Variants in NCL observed in about 807,000 individuals in gnomAD.
NCL encodes the protein nucleolin multifunctional protein.
In NCL, 4 loss-of-function variants were observed where a neutral mutation model predicts 77.7. That is an observed-to-expected ratio of 0.05 (90% CI 0.03 to 0.12). NCL has a LOEUF of 0.12. Ranked by LOEUF, NCL falls within the 10% of genes least tolerant of loss-of-function variation. The pLI is 1.00. For synonymous variants in NCL, 344 were observed against 297.8 expected (o/e 1.16, Z -1.60); for missense variants, 763 against 860.9 (o/e 0.89, Z 1.42).
chr2:231,463,965 G>A (rs1300363140), intron 1 of NCL: 2 of 353,656 alleles, frequency 5.7e-6, no homozygotes, highest in African/African-American at 4.3e-5. Flanking sequence ...GGAGATTCCA[G>A]GACCCACGCG....
chr2:231,456,235 A>T (rs2125633335), intron 11 of NCL, 99 bp from the exon 12 acceptor site: 1 of 1,483,822 alleles, frequency 6.7e-7, no homozygotes, highest in East Asian at 2.3e-5. Flanking sequence ...AATACTTGTT[A>T]TAGTGAAAAA....
At position 231,458,696 on chromosome 2, in the gene NCL, G is replaced by A. The variant is rs956874880; in HGVS notation, c.1165+305C>T. On this transcript the variant is annotated intron_variant, in intron 7 of 13. Coordinates refer to ENST00000322723, the MANE Select transcript of NCL (RefSeq NM_005381.3). ...TACAACTGTATATAGGGAGTAATTA[G>A]GGACCTAATCTAGTTTCAGTGAAGA... 6 of 422,368 alleles carry A rather than the reference G, an allele frequency of 1.4e-5. No individual in the cohort carries two copies. The East Asian group carries it at 2.2e-4, about 15-fold the overall frequency. 26.2% of individuals were successfully genotyped at this position (422,368 alleles called of 1,614,324 possible).
At chr2:231,457,344 T>A (rs1277288022) in intron 9 of NCL, 1 of 780,576 alleles carries the variant, frequency 1.3e-6, no homozygotes, top group East Asian at 2.7e-5. Context: ...ACTGGTCTGT[T>A]TTCCTAGAAT....
rs150234462 is a variant in NCL at position 231,456,145 on chromosome 2, G to GA, written c.1706-10dup. 0.27 allele frequency: 433,682 copies of GA among 1,582,116 alleles called. 55,823 individuals are homozygous for GA. Among genetic ancestry groups the GA allele is most frequent in the African/African-American group, 0.35 (25,975 of 73,238 alleles). Reference sequence around the variant, plus strand: ...CAGAGTTTTGGATGGCTCTGGGAAGGAAAAAAAAATGTGACTTTATGTGAA... The same window carrying GA: ...CAGAGTTTTGGATGGCTCTGGGAAGGAAAAAAAAAATGTGACTTTATGTGAA... On this transcript the variant is annotated splice_polypyrimidine_tract_variant and intron_variant, in intron 11 of 13. Coordinates refer to ENST00000322723, the MANE Select transcript of NCL (RefSeq NM_005381.3).
At chr2:231,460,388 A>G in intron 5 of NCL, 90 bp downstream of exon 5, 1 of 1,592,020 alleles carries the variant, frequency 6.3e-7, no homozygotes, top group South Asian at 1.1e-5. Context: ...AGCACACTAC[A>G]ATGTAACATC....
chr2:231,462,090 A>T (rs2595514), intron 2 of NCL, 73 bp from the exon 3 acceptor site: 1,021,074 of 1,556,796 alleles, frequency 0.66, 338,306 homozygotes, highest in South Asian at 0.83. Flanking sequence ...TCCCAATGAG[A>T]TGTTAGACTC....
In NCL at chr2:231,454,996, A is replaced by G. The variant is rs879792618; in HGVS notation, c.*195T>C. 3.8e-5 allele frequency: 22 copies of G among 574,502 alleles called. No individual in the cohort carries two copies. The highest frequency in any genetic ancestry group is 5.8e-5 in the Non-Finnish European group (19 of 326,824). 35.6% of individuals were successfully genotyped at this position (574,502 alleles called of 1,614,324 possible). ...TTAGCTCTATCACTCAACTCTTTAA[A>G]AAGTTTATATGAATATCCAGTCAAA... On this transcript the variant is annotated 3_prime_UTR_variant, in exon 14 of 14. Transcript: ENST00000322723.
At chr2:231,464,037 G>T in intron 1 of NCL, 1 of 1,085,378 alleles carries the variant, frequency 9.2e-7, no homozygotes, top group Non-Finnish European at 1.2e-6. Context: ...GTCCCAGCTC[G>T]TACGCGTCGC....
In NCL at chr2:231,461,416, C is replaced by T; in HGVS notation, c.613+124G>A. 2.0e-6 allele frequency: 3 copies of T among 1,471,522 alleles called. 1 individual carries two copies. The South Asian group carries it at 4.0e-5, about 20-fold the overall frequency. The allele number at this position is 1,471,522 out of a possible 1,614,324, so 91.2% of individuals were successfully genotyped here. On this transcript the variant is annotated intron_variant, in intron 3 of 13. Coordinates refer to ENST00000322723, the MANE Select transcript of NCL (RefSeq NM_005381.3). The stretch of plus-strand genomic sequence containing the variant: ...AATTAAGTCTAGCACACCACAACAA[C>T]CCAGAGAATTCCCACAAGGATTCTA...
At chr2:231,459,733 G>A (rs191500836) in intron 6 of NCL, among the ~76,000 whole-genome samples, 2 of 151,998 alleles carry the variant, frequency 1.3e-5, no homozygotes, top group Admixed American at 1.3e-4. Context: ...ATGGTGAAAT[G>A]CCATCTCAAC....
chr2:231,456,215 A>G lies in NCL; in HGVS notation c.1706-79T>C, dbSNP rs916785208. 4 of 1,554,088 alleles carry G rather than the reference A, an allele frequency of 2.6e-6. No individual in the cohort carries two copies. The African/African-American group carries it at 5.5e-5, about 21-fold the overall frequency. On this transcript the variant is annotated intron_variant, in intron 11 of 13. Transcript: ENST00000322723. The stretch of plus-strand genomic sequence containing the variant: ...AATTTGCACAATGCCTAGTATGACT[A>G]CTAGCCAAGAATACTTGTTATAGTG...
chr2:231,456,181 G>A (rs201866212), intron 11 of NCL, 45 bp from the exon 12 acceptor site: 624 of 1,610,404 alleles, frequency 3.9e-4, no homozygotes, highest in Middle Eastern at 8.9e-4. Flanking sequence ...GTCACAGTTC[G>A]TAACACTGAA....
rs1259842402 is a variant in NCL, at chr2:231,456,160, CTT to C, written c.1706-26_1706-25del. 3.7e-6 allele frequency: 6 copies of C among 1,613,032 alleles called. No individual in the cohort carries two copies. The Admixed American group carries it at 5.0e-5, about 13-fold the overall frequency. ...CTCTGGGAAGGAAAAAAAAATGTGA[CTT>C]TATGTGAAGTCACAGTTCGTAACAC... On this transcript the variant is annotated intron_variant, in intron 11 of 13. Transcript: ENST00000322723.
At chr2:231,456,529 T>G in intron 11 of NCL, 102 bp downstream of exon 11, 1 of 1,521,048 alleles carries the variant, frequency 6.6e-7, no homozygotes, top group Non-Finnish European at 9.1e-7. Flanking sequence ...ATCCAGTTAT[T>G]GTTCACTCAG....
intron 1 of NCL, 75 bp from the exon 2 acceptor site, chr2:231,463,391 C>T (rs2046970526): frequency 2.2e-6 from 2 of 903,750 alleles, no homozygotes; most frequent in East Asian, 4.8e-5. Flanking sequence ...CATTAGTGTT[C>T]ATACGCCATC....
chr2:231,461,658 C>T lies in NCL; in HGVS notation c.495G>A (p.Glu165=), dbSNP rs531512959. Residue 165 remains glutamate (E), a synonymous_variant, in exon 3 of 14, where the codon GAG becomes GAA. Transcript: ENST00000322723. ...CTGCTGGTTCAATTTCATCTTCATCCTCATCCTCGTCCTCGTCATCCTCCT... is the reference window on the plus strand; with the variant it reads ...CTGCTGGTTCAATTTCATCTTCATCTTCATCCTCGTCCTCGTCATCCTCCT... The part of the protein sequence containing the change: ...EDEEDDEDED[E]DEDEIEPAAM... The T allele has an allele frequency of 2.5e-6, 4 of 1,610,856 alleles. No individual in the cohort carries two copies. Among genetic ancestry groups the T allele is most frequent in the Middle Eastern group, 1.7e-4 (1 of 6,054 alleles).
Position 231,455,081 on chromosome 2 carries a change from C to T in NCL, c.*110G>A. The T allele has an allele frequency of 8.3e-7, 1 of 1,200,810 alleles. No individual in the cohort carries two copies. The highest frequency in any genetic ancestry group is 1.2e-6 in the Non-Finnish European group (1 of 818,536). The allele number at this position is 1,200,810 out of a possible 1,614,324, so 74.4% of individuals were successfully genotyped here. ...ACGGATTTCCAAGGAGACCACAGGA[C>T]TGTATACTGTCTTGGAATGTCCTCA... On this transcript the variant is annotated 3_prime_UTR_variant, in exon 14 of 14. Coordinates refer to ENST00000322723, the MANE Select transcript of NCL (RefSeq NM_005381.3).
Position 231,464,324 on chromosome 2 carries a change from A to C in NCL, c.18+12T>G. On this transcript the variant is annotated intron_variant, in intron 1 of 13. Coordinates refer to ENST00000322723, the MANE Select transcript of NCL (RefSeq NM_005381.3). ...GGCCTACACGTCTGCGCTCGCGCTC[A>C]AGGCCGTTTACCTTCGCGAGCTTCA... 1.3e-6 allele frequency: 2 copies of C among 1,591,588 alleles called. No homozygotes were observed. Among genetic ancestry groups the C allele is most frequent in the Non-Finnish European group, 1.7e-6 (2 of 1,168,874 alleles).
chr2:231,456,180 C>T (rs766488719), intron 11 of NCL, 44 bp from the exon 12 acceptor site: 53 of 1,610,274 alleles, frequency 3.3e-5, no homozygotes, highest in Middle Eastern at 1.8e-4. Context: ...AGTCACAGTT[C>T]GTAACACTGA....
Sources: gnomAD v4.1 joint callset for allele counts (sites outside exome capture counted in the v4.1 genomes callset) on GRCh38, gnomAD v4.1.1 for gene constraint, MANE v1.5 for transcripts, NCBI Gene and HGNC (gene_info 2026-07-23, HGNC 2026-07-21) for gene names.